Variants in FSTL5 observed in about 807,000 individuals in gnomAD.
FSTL5 encodes follistatin like 5.
FSTL5 carries 62 observed loss-of-function variants against 89.1 expected under a neutral mutation model. That is an observed-to-expected ratio of 0.70 (90% CI 0.57 to 0.86). FSTL5 has a LOEUF of 0.86. Ranked by LOEUF, FSTL5 falls within the 40% of genes least tolerant of loss-of-function variation. The probability of loss-of-function intolerance (pLI) is 0.00; values close to 1 mark genes in which losing one functional copy is unlikely to be tolerated. For missense variants in FSTL5, 1,057 were observed against 1,001.6 expected (o/e 1.06, Z -0.75); for synonymous variants, 383 against 346.2 (o/e 1.11, Z -1.18).
chr4:162,073,704 G>A (rs12505978), intron 2 of FSTL5, among the ~76,000 whole-genome samples: 8,096 of 151,552 alleles, frequency 0.053, 391 homozygotes, highest in East Asian at 0.24. Flanking sequence ...TAATTGGTAG[G>A]GAAATTAATA....
chr4:162,077,669 A>G (rs1349618174), intron 2 of FSTL5, among the ~76,000 whole-genome samples: 3 of 151,960 alleles, frequency 2.0e-5, no homozygotes, highest in Non-Finnish European at 4.4e-5. Context: ...AAAAATAACT[A>G]GAGAGGAAGA....
intron 4 of FSTL5, among the ~76,000 whole-genome samples, chr4:161,786,399 C>A (rs1403406763): frequency 1.3e-5 from 2 of 151,980 alleles, no homozygotes; most frequent in Admixed American, 1.3e-4. Context: ...ATAGATGTAA[C>A]CTGCAGAAAG....
At chr4:162,137,269 A>T (rs973532803) in intron 1 of FSTL5, among the ~76,000 whole-genome samples, 2 of 152,128 alleles carry the variant, frequency 1.3e-5, no homozygotes, top group Non-Finnish European at 2.9e-5. Flanking sequence ...TTAATGTCAA[A>T]TCTCTATCAG....
chr4:162,049,827 C>T (rs532065984), intron 2 of FSTL5, among the ~76,000 whole-genome samples: 11 of 151,936 alleles, frequency 7.2e-5, no homozygotes, highest in African/African-American at 2.4e-4. Flanking sequence ...GACTATACTT[C>T]AGAAAACAGT....
In FSTL5 at chr4:161,534,674, A is replaced by G. The variant is rs537303559; in HGVS notation, c.1312+3492T>C. ...TCCAAAGCAATTTACAGATTAAAAG[A>G]TGTCCCTACCAAAATACCAATGTTG... On this transcript the variant is annotated intron_variant, in intron 10 of 15. Transcript: ENST00000306100. Among the ~76,000 whole-genome samples, 11 of 152,158 alleles carry G rather than the reference A, an allele frequency of 7.2e-5. No individual in the cohort carries two copies. In the South Asian group the frequency reaches 2.3e-3, roughly 31 times the overall value.
intron 4 of FSTL5, among the ~76,000 whole-genome samples, chr4:161,841,606 G>A (rs1444117300): frequency 1.3e-5 from 2 of 152,076 alleles, no homozygotes; most frequent in African/African-American, 4.8e-5. Context: ...TGCTCTCACA[G>A]AGCTTATATT....
At chr4:161,968,013 C>CT (rs1029364216) in intron 3 of FSTL5, among the ~76,000 whole-genome samples, 14 of 150,820 alleles carry the variant, frequency 9.3e-5, no homozygotes, top group South Asian at 2.1e-4. Context: ...TGTGTATTTT[C>CT]TTTTTTTTTA....
intron 13 of FSTL5, among the ~76,000 whole-genome samples, chr4:161,466,589 C>T (rs1195918909): frequency 1.3e-5 from 2 of 152,132 alleles, no homozygotes; most frequent in African/African-American, 4.8e-5. Context: ...TAAGCCCCTT[C>T]TGCATCCAAG....
At chr4:161,669,976 A>G (rs952349983) in intron 6 of FSTL5, among the ~76,000 whole-genome samples, 2 of 152,204 alleles carry the variant, frequency 1.3e-5, no homozygotes, top group Non-Finnish European at 2.9e-5. Context: ...AATATCAACT[A>G]AATGTTAAAA....
chr4:162,027,566 A>T (rs930929520), intron 3 of FSTL5, among the ~76,000 whole-genome samples: 10 of 152,134 alleles, frequency 6.6e-5, no homozygotes, highest in African/African-American at 2.4e-4. Context: ...TCTCACTCAC[A>T]TAAAGACATG....
At chr4:161,779,341 T>C (rs6840579) in intron 4 of FSTL5, among the ~76,000 whole-genome samples, 1 of 152,122 alleles carries the variant, frequency 6.6e-6, no homozygotes, top group South Asian at 2.1e-4. Context: ...AATTATATAA[T>C]TTTTTGTGAA....
At chr4:161,842,164 T>C (rs985982151) in intron 4 of FSTL5, among the ~76,000 whole-genome samples, 1 of 152,202 alleles carries the variant, frequency 6.6e-6, no homozygotes, top group East Asian at 1.9e-4. Flanking sequence ...TTTCCGTGTG[T>C]AATTAAGAAG....
At chr4:161,933,605 A>AT (rs11435801) in intron 3 of FSTL5, among the ~76,000 whole-genome samples, 3,742 of 146,126 alleles carry the variant, frequency 0.026, 164 homozygotes, top group East Asian at 0.21. Context: ...TTGATCATGG[A>AT]TTTTTTTTTT....
At chr4:161,441,633 T>C (rs1220350549) in intron 15 of FSTL5, among the ~76,000 whole-genome samples, 4 of 152,092 alleles carry the variant, frequency 2.6e-5, no homozygotes, top group Non-Finnish European at 4.4e-5. Context: ...AGACAAATTT[T>C]GAACAAGCAA....
chr4:161,385,874 A>G lies in FSTL5; in HGVS notation c.2417T>C (p.Phe806Ser). The change falls in exon 16 of 16, where the codon TTT becomes TCT. Residue 806 changes from phenylalanine to serine, a missense_variant. This residue lies in a region of FSTL5 where 68 missense variants were observed against 73.3 expected (regional missense o/e 0.93). Transcript: ENST00000306100. ...GGAAGGTGTCATCAGGTATTGACCA[A>G]ACAAGCCACTGTCCTGGATTTGCCT... The part of the protein sequence containing the change: ...KNRQIQDSGL[F>S]GQYLMTPSKD... The G allele has an allele frequency of 6.2e-7, 1 of 1,613,932 alleles. No homozygotes were observed. The highest frequency in any genetic ancestry group is 1.3e-5 in the African/African-American group (1 of 75,000).
At chr4:161,535,289 CAGAA>C (rs2126535755) in intron 10 of FSTL5, among the ~76,000 whole-genome samples, 1 of 151,952 alleles carries the variant, frequency 6.6e-6, no homozygotes, top group East Asian at 1.9e-4. Flanking sequence ...ACAAAGTAAA[CAGAA>C]AGCCTACAGA....
At chr4:162,039,716 T>A (rs1737875585) in intron 2 of FSTL5, among the ~76,000 whole-genome samples, 1 of 152,010 alleles carries the variant, frequency 6.6e-6, no homozygotes, top group African/African-American at 2.4e-5. Flanking sequence ...AACTCAAATG[T>A]GTAGAAGACT....
chr4:161,980,372 AAAG>A (rs1255677232), intron 3 of FSTL5, among the ~76,000 whole-genome samples: 23 of 152,100 alleles, frequency 1.5e-4, no homozygotes, highest in African/African-American at 5.3e-4. Context: ...TAAAATTGAG[AAAG>A]AAGTAGCAGC....
At chr4:161,405,141 G>A (rs367683246) in intron 15 of FSTL5, among the ~76,000 whole-genome samples, 26 of 152,044 alleles carry the variant, frequency 1.7e-4, no homozygotes, top group African/African-American at 6.0e-4. Context: ...GCTGAGGCAG[G>A]AGAATTGCTT....
Sources: allele counts gnomAD v4.1 joint callset (sites outside exome capture counted in the v4.1 genomes callset), GRCh38; gene constraint gnomAD v4.1.1; regional missense constraint gnomAD v4.1.1; transcripts MANE v1.5; gene names NCBI Gene and HGNC (gene_info 2026-07-23, HGNC 2026-07-21).